CHCHD3: variants seen among roughly 807,000 people sequenced by gnomAD.
CHCHD3 encodes the protein coiled-coil-helix-coiled-coil-helix domain containing 3, also known as MICOS complex subunit MIC19.
Under a neutral mutation model 38.2 loss-of-function variants are expected in CHCHD3, and 20 were observed. The observed-to-expected ratio is 0.52, with a 90% CI of 0.37 to 0.76. The LOEUF (loss-of-function observed/expected upper bound fraction) is 0.76, where lower values mean the gene tolerates loss of function less well. CHCHD3 is among the 30% of genes least tolerant of loss of function. The probability of loss-of-function intolerance (pLI) is 0.00; values close to 1 mark genes in which losing one functional copy is unlikely to be tolerated. For missense variants in CHCHD3, 245 were observed against 279.2 expected (o/e 0.88, Z 0.87); for synonymous variants, 82 against 100.0 (o/e 0.82, Z 1.07).
At chr7:133,026,675 A>G (rs1000363211) in intron 2 of CHCHD3, among the ~76,000 whole-genome samples, 1 of 152,356 alleles carries the variant, frequency 6.6e-6, no homozygotes. Flanking sequence ...TATCCATTCG[A>G]TATAATATTA....
intron 6 of CHCHD3, among the ~76,000 whole-genome samples, 167 bp downstream of exon 6, chr7:132,838,232 T>G (rs1257439693): frequency 6.6e-6 from 1 of 152,186 alleles, no homozygotes; most frequent in Non-Finnish European, 1.5e-5. Context: ...TCTTGGCATC[T>G]GAATTCCAGT....
intron 1 of CHCHD3, among the ~76,000 whole-genome samples, chr7:133,071,929 G>C (rs1310898738): frequency 6.6e-6 from 1 of 152,140 alleles, no homozygotes; most frequent in Admixed American, 6.5e-5. Context: ...TAGTTGCCTA[G>C]AGCTGGGGTG....
At chr7:132,925,168 G>A (rs1810345299) in intron 4 of CHCHD3, among the ~76,000 whole-genome samples, 2 of 151,920 alleles carry the variant, frequency 1.3e-5, no homozygotes, top group Admixed American at 1.3e-4. Flanking sequence ...TAATGGAGTA[G>A]GAATGGGAGA....
chr7:132,983,521 G>A (rs114469442), intron 3 of CHCHD3, among the ~76,000 whole-genome samples: 1 of 152,192 alleles, frequency 6.6e-6, no homozygotes, highest in Admixed American at 6.5e-5. Flanking sequence ...CAGGAGTTAC[G>A]AGTATCTGCT....
intron 2 of CHCHD3, among the ~76,000 whole-genome samples, chr7:133,055,781 G>A (rs899125633): frequency 1.3e-5 from 2 of 151,670 alleles, no homozygotes; most frequent in South Asian, 2.1e-4. Flanking sequence ...TGACTTTGGA[G>A]GTGATATCTC....
chr7:132,885,484 A>G (rs2117175108), intron 5 of CHCHD3, among the ~76,000 whole-genome samples, 178 bp downstream of exon 5: 1 of 152,286 alleles, frequency 6.6e-6, no homozygotes, highest in South Asian at 2.1e-4. Context: ...TTCCAAAGTG[A>G]CCAAAGAAAA....
intron 4 of CHCHD3, among the ~76,000 whole-genome samples, chr7:132,893,296 G>C (rs1338304267): frequency 2.6e-5 from 4 of 152,200 alleles, no homozygotes. Flanking sequence ...CTGGATTTCA[G>C]ACTTGCGTGG....
chr7:132,795,544 C>T (rs1032792706), intron 7 of CHCHD3, among the ~76,000 whole-genome samples: 1 of 152,062 alleles, frequency 6.6e-6, no homozygotes, highest in East Asian at 1.9e-4. Flanking sequence ...CTAACCCTCC[C>T]GTCGGATATT....
At chr7:132,973,419 T>C (rs1811662711) in intron 4 of CHCHD3, 3 of 985,408 alleles carry the variant, frequency 3.0e-6, no homozygotes, top group Non-Finnish European at 3.6e-6. Flanking sequence ...AAAAAATCCT[T>C]CAGCTTAGAC....
chr7:132,977,630 G>A (rs1811804075), intron 3 of CHCHD3, among the ~76,000 whole-genome samples: 1 of 152,156 alleles, frequency 6.6e-6, no homozygotes, highest in Admixed American at 6.5e-5. Flanking sequence ...ACTAAGCACT[G>A]TGCTAGGCAC....
intron 5 of CHCHD3, among the ~76,000 whole-genome samples, chr7:132,840,935 C>A (rs935837067): frequency 6.6e-6 from 1 of 152,058 alleles, no homozygotes; most frequent in South Asian, 2.1e-4. Flanking sequence ...CACACGCAAT[C>A]ACACACAAAA....
chr7:132,827,329 G>A (rs1213563412), intron 6 of CHCHD3, among the ~76,000 whole-genome samples: 1 of 152,170 alleles, frequency 6.6e-6, no homozygotes, highest in Non-Finnish European at 1.5e-5. Flanking sequence ...ATATCTTGGG[G>A]ATGGGACCCC....
At chr7:132,822,810 G>GC (rs1424266336) in intron 6 of CHCHD3, among the ~76,000 whole-genome samples, 2 of 149,638 alleles carry the variant, frequency 1.3e-5, no homozygotes, top group South Asian at 2.1e-4. Context: ...CCCCCACCGC[G>GC]CCCCCCACCA....
At position 132,975,186 on chromosome 7, in the gene CHCHD3, C is replaced by A. The variant is rs771024433; in HGVS notation, c.352G>T (p.Ala118Ser). ...RERICSEEER[A>S]KAKHLARQLE... Reference sequence around the variant, plus strand: ...ATACTCACCAGGTGCTTTGCCTTAGCGCGTTCCTCCTCGCTACATATCCTC... The same window carrying A: ...ATACTCACCAGGTGCTTTGCCTTAGAGCGTTCCTCCTCGCTACATATCCTC... The change falls in exon 4 of 8, where the codon GCT becomes TCT. Residue 118 changes from alanine to serine, a missense_variant. Coordinates refer to ENST00000262570, the MANE Select transcript of CHCHD3 (RefSeq NM_017812.4). The A allele has an allele frequency of 1.2e-6, 2 of 1,612,048 alleles. No individual in the cohort carries two copies. The highest frequency in any genetic ancestry group is 1.7e-6 in the Non-Finnish European group (2 of 1,179,818).
chr7:132,887,819 T>C (rs543056538), intron 4 of CHCHD3, among the ~76,000 whole-genome samples: 12 of 151,736 alleles, frequency 7.9e-5, no homozygotes, highest in Non-Finnish European at 1.3e-4. Flanking sequence ...TATAAGAAAA[T>C]AGGCTCTCCT....
intron 3 of CHCHD3, among the ~76,000 whole-genome samples, chr7:132,998,782 A>C (rs1415985696): frequency 1.3e-5 from 2 of 152,162 alleles, no homozygotes; most frequent in Admixed American, 6.5e-5. Flanking sequence ...CCTAATCTAA[A>C]ATATCACACA....
At chr7:132,979,715 C>A (rs1420270524) in intron 3 of CHCHD3, among the ~76,000 whole-genome samples, 2 of 152,148 alleles carry the variant, frequency 1.3e-5, no homozygotes, top group African/African-American at 4.8e-5. Flanking sequence ...CTTTCAGATT[C>A]TCTTGGAGGA....
chr7:132,887,101 G>C (rs1489715418), intron 4 of CHCHD3: 1 of 476,564 alleles, frequency 2.1e-6, no homozygotes, highest in Admixed American at 4.5e-5. Context: ...GCAAGCCAAA[G>C]AAGGTAATGG....
rs547066795 is a variant in CHCHD3 at position 133,030,060 on chromosome 7, T to C, written c.170-5433A>G. Among the ~76,000 whole-genome samples the C allele has an allele frequency of 2.7e-5, 4 of 148,292 alleles. No individual in the cohort carries two copies. In the East Asian group the frequency reaches 7.8e-4, roughly 29 times the overall value. The stretch of plus-strand genomic sequence containing the variant: ...TTTGGGTCAAGTCCAAGGTCACAAC[T>C]GAAAAAGTAATTACCTTAGCTACAA... On this transcript the variant is annotated intron_variant, in intron 2 of 7. Transcript: ENST00000262570.
Sources: allele counts gnomAD v4.1 joint callset (sites outside exome capture counted in the v4.1 genomes callset), GRCh38; gene constraint gnomAD v4.1.1; transcripts MANE v1.5; gene names NCBI Gene and HGNC (gene_info 2026-07-23, HGNC 2026-07-21).